NRXN3: variants seen among roughly 807,000 people sequenced by gnomAD.
NRXN3 encodes the protein neurexin 3.
In NRXN3, 32 loss-of-function variants were observed where a neutral mutation model predicts 137.6. That is an observed-to-expected ratio of 0.23 (90% CI 0.18 to 0.31). The LOEUF (loss-of-function observed/expected upper bound fraction) is 0.31, where lower values mean the gene tolerates loss of function less well. NRXN3 is among the 10% of genes least tolerant of loss of function. The pLI is 1.00. For synonymous variants in NRXN3, 798 were observed against 784.5 expected, an observed-to-expected ratio of 1.02 and a Z score of -0.29; for missense variants, 1,574 against 2,062.5, an observed-to-expected ratio of 0.76 and a Z score of 4.59.
rs539170525 is a variant in NRXN3 at position 79,114,810 on chromosome 14, G to A, written c.3262+126669G>A. 3.3e-5 allele frequency among the ~76,000 whole-genome samples: 5 copies of A among 152,122 alleles called. No homozygotes were observed. In the South Asian group the frequency reaches 1.0e-3, roughly 32 times the overall value. Reference sequence around the variant, plus strand: ...CCCAAAGTGCTGAGATTACAGGTGTGAGCCATGGCACCCAGCAAAGAATGG... The same window carrying A: ...CCCAAAGTGCTGAGATTACAGGTGTAAGCCATGGCACCCAGCAAAGAATGG... On this transcript the variant is annotated intron_variant, in intron 15 of 20. Transcript: ENST00000335750.
chr14:79,372,133 C>CGTAG (rs1555405650), intron 15 of NRXN3, among the ~76,000 whole-genome samples: 1 of 114,760 alleles, frequency 8.7e-6, no homozygotes, highest in East Asian at 2.5e-4. Context: ...TTAAGACACA[C>CGTAG]ATAGAGAGTG....
intron 10 of NRXN3, among the ~76,000 whole-genome samples, chr14:78,900,180 C>G (rs2099190889): frequency 6.6e-6 from 1 of 151,848 alleles, no homozygotes; most frequent in Non-Finnish European, 1.5e-5. Flanking sequence ...TTTAAAAAAT[C>G]ACAACACCCC....
At chr14:79,191,740 C>G (rs1342433162) in intron 15 of NRXN3, among the ~76,000 whole-genome samples, 1 of 152,082 alleles carries the variant, frequency 6.6e-6, no homozygotes, top group Non-Finnish European at 1.5e-5. Flanking sequence ...TTAAGTTTGC[C>G]TAAATGTATA....
chr14:78,800,719 A>G lies in NRXN3; in HGVS notation c.2045-2901A>G, dbSNP rs188927898. On this transcript the variant is annotated intron_variant, in intron 8 of 20. Coordinates refer to ENST00000335750, the MANE Select transcript of NRXN3 (RefSeq NM_001330195.2). ...AACAGAGTAGGGATATGATAACAAC[A>G]CAGACTATTTTGGGACCCTTCAATG... Among the ~76,000 whole-genome samples the G allele has an allele frequency of 2.0e-4, 31 of 152,278 alleles. 1 individual carries two copies. The highest frequency in any genetic ancestry group is 1.7e-3 in the Admixed American group (26 of 15,298).
chr14:78,911,096 A>T (rs1296122873), intron 10 of NRXN3, among the ~76,000 whole-genome samples: 5 of 152,230 alleles, frequency 3.3e-5, no homozygotes, highest in African/African-American at 1.2e-4. Flanking sequence ...TTATGCATGC[A>T]TTGAGTGTTT....
chr14:79,151,699 A>G (rs1305316155), intron 15 of NRXN3, among the ~76,000 whole-genome samples: 1 of 151,982 alleles, frequency 6.6e-6, no homozygotes, highest in African/African-American at 2.4e-5. Context: ...TGATAATGGG[A>G]ATCTCACCTA....
At chr14:78,821,186 C>T (rs959805406) in intron 10 of NRXN3, among the ~76,000 whole-genome samples, 7 of 152,002 alleles carry the variant, frequency 4.6e-5, no homozygotes, top group South Asian at 2.1e-4. Flanking sequence ...TTACCTAAAC[C>T]GATGAATAGG....
chr14:78,265,177 T>G (rs913441908), intron 2 of NRXN3, among the ~76,000 whole-genome samples: 2 of 152,202 alleles, frequency 1.3e-5, no homozygotes, highest in African/African-American at 4.8e-5. Context: ...TATTGGGAAG[T>G]TGTAGGTCAG....
At chr14:78,971,429 T>C (rs1268325028) in intron 14 of NRXN3, among the ~76,000 whole-genome samples, 1 of 107,820 alleles carries the variant, frequency 9.3e-6, no homozygotes, top group East Asian at 2.3e-4. Context: ...GATAAACATA[T>C]ATATATATAT....
In NRXN3 at chr14:78,966,214, G is replaced by A. The variant is rs1338872017; in HGVS notation, c.2585G>A (p.Arg862His). Residue 862 changes from arginine (R) to histidine (H), a missense_variant, in exon 12 of 21, where the codon CGT becomes CAT. Transcript: ENST00000335750. ...GDIDYCELKA[R>H]FGLRNIIADP... ...ATTGATTATTGTGAGCTGAAGGCTCGTTTTGGACTGAGGAACATCATCGCT... is the reference window on the plus strand; with the variant it reads ...ATTGATTATTGTGAGCTGAAGGCTCATTTTGGACTGAGGAACATCATCGCT... 14 of 1,614,014 alleles carry A rather than the reference G, an allele frequency of 8.7e-6. No individual in the cohort carries two copies. Among genetic ancestry groups the A allele is most frequent in the Admixed American group, 1.7e-5 (1 of 59,994 alleles).
At chr14:78,261,649 A>G (rs535987761) in intron 2 of NRXN3, among the ~76,000 whole-genome samples, 27 of 152,234 alleles carry the variant, frequency 1.8e-4, no homozygotes, top group African/African-American at 6.3e-4. Flanking sequence ...TATTTCCCCA[A>G]CTCATGCATT....
chr14:78,712,174 C>T (rs561940755), intron 7 of NRXN3, among the ~76,000 whole-genome samples: 4 of 152,304 alleles, frequency 2.6e-5, no homozygotes, highest in African/African-American at 9.6e-5. Flanking sequence ...CAATAGATGT[C>T]TCCCCATTTT....
At chr14:79,814,223 T>C (rs2099244685) in intron 20 of NRXN3, among the ~76,000 whole-genome samples, 1 of 152,224 alleles carries the variant, frequency 6.6e-6, no homozygotes, top group Non-Finnish European at 1.5e-5. Context: ...TATGGTTTTG[T>C]TCTTGTGTTT....
intron 8 of NRXN3, among the ~76,000 whole-genome samples, chr14:78,759,903 A>G (rs565577828): frequency 6.6e-6 from 1 of 152,296 alleles, no homozygotes; most frequent in Non-Finnish European, 1.5e-5. Flanking sequence ...TTAAAGCCAC[A>G]GCATTTCTAG....
chr14:79,850,075 A>T (rs1214862152), intron 20 of NRXN3, among the ~76,000 whole-genome samples: 3 of 152,192 alleles, frequency 2.0e-5, no homozygotes, highest in African/African-American at 7.2e-5. Flanking sequence ...AATCAAATCT[A>T]TGAAAATGTT....
chr14:78,404,181 A>G (rs1015897911), intron 4 of NRXN3, among the ~76,000 whole-genome samples: 1 of 147,706 alleles, frequency 6.8e-6, no homozygotes, highest in Non-Finnish European at 1.5e-5. Context: ...GGCATGAGTT[A>G]TAGCTGTGAT....
chr14:78,636,836 A>ATTTTTTTT (rs1555410754), intron 4 of NRXN3, among the ~76,000 whole-genome samples: 1,526 of 151,876 alleles, frequency 0.01, 18 homozygotes, highest in African/African-American at 0.035. Flanking sequence ...TTTATTTTTT[A>ATTTTTTTT]TTTTTTTAGC....
chr14:79,618,632 T>C (rs2098188433), intron 16 of NRXN3, among the ~76,000 whole-genome samples: 1 of 152,182 alleles, frequency 6.6e-6, no homozygotes, highest in Admixed American at 6.5e-5. Context: ...ATGTCTTTGC[T>C]ATTGTGAATA....
chr14:78,223,561 A>G (rs990734466), intron 1 of NRXN3, among the ~76,000 whole-genome samples: 2 of 152,164 alleles, frequency 1.3e-5, no homozygotes, highest in Admixed American at 6.5e-5. Context: ...ACATCTGGCT[A>G]TCCTTTGTTC....
Sources: allele counts gnomAD v4.1 joint callset (sites outside exome capture counted in the v4.1 genomes callset), GRCh38; gene constraint gnomAD v4.1.1; transcripts MANE v1.5; gene names NCBI Gene and HGNC (gene_info 2026-07-23, HGNC 2026-07-21).